Variants in KDM2A observed in about 807,000 individuals in gnomAD.
The protein encoded by KDM2A is lysine demethylase 2A.
KDM2A carries 3 observed loss-of-function variants against 137.3 expected under a neutral mutation model. That is an observed-to-expected ratio of 0.02 (90% CI 0.01 to 0.06). The LOEUF (loss-of-function observed/expected upper bound fraction) is 0.06. Among genes scored for constraint, KDM2A ranks in the 10% least tolerant of loss-of-function variants. The probability of loss-of-function intolerance (pLI) is 1.00; values close to 1 mark genes in which losing one functional copy is unlikely to be tolerated. For missense variants in KDM2A, 738 were observed against 1,510.6 expected, an observed-to-expected ratio of 0.49 and a Z score of 8.48; for synonymous variants, 512 against 541.5, an observed-to-expected ratio of 0.95 and a Z score of 0.76.
chr11:67,225,469 C>G (rs1383625290), intron 10 of KDM2A, among the ~76,000 whole-genome samples: 1 of 151,620 alleles, frequency 6.6e-6, no homozygotes, highest in Admixed American at 6.6e-5. Context: ...AACCCCGTCT[C>G]TACTAAAAAT....
intron 5 of KDM2A, among the ~76,000 whole-genome samples, chr11:67,203,475 T>A (rs753048668): frequency 3.1e-4 from 45 of 147,416 alleles, no homozygotes; most frequent in East Asian, 1.6e-3. Flanking sequence ...TATTAATAAT[T>A]ATTAATATAT....
chr11:67,142,035 AT>A (rs1211346914), intron 2 of KDM2A, among the ~76,000 whole-genome samples: 1 of 151,736 alleles, frequency 6.6e-6, no homozygotes, highest in Non-Finnish European at 1.5e-5. Context: ...TATTTCTTTC[AT>A]TCATTCATTC....
intron 6 of KDM2A, among the ~76,000 whole-genome samples, chr11:67,213,958 G>C (rs935423107): frequency 2.0e-5 from 3 of 152,036 alleles, no homozygotes; most frequent in African/African-American, 7.2e-5. Flanking sequence ...AACCTCCTGG[G>C]TTTAAGCAAA....
intron 2 of KDM2A, among the ~76,000 whole-genome samples, chr11:67,135,187 G>T (rs1312278286): frequency 6.6e-6 from 1 of 151,842 alleles, no homozygotes; most frequent in African/African-American, 2.4e-5. Context: ...TCCTGCCTCA[G>T]CCTCCCGAGT....
At chr11:67,249,996 C>T in intron 16 of KDM2A, 90 bp from the exon 17 acceptor site, 2 of 1,052,414 alleles carry the variant, frequency 1.9e-6, no homozygotes, top group South Asian at 3.2e-5. Flanking sequence ...TCTCTCTGGT[C>T]CCCTGAGAGC....
rs1204885078 is a variant in KDM2A, at chr11:67,253,287, T to A, written c.2933-166T>A. On this transcript the variant is annotated intron_variant, in intron 18 of 20. Transcript: ENST00000529006. Reference sequence around the variant, plus strand: ...TCAATTTACCACTAAAGCTAGAAGATGTAGTATAGGATACCATGGAAATCT... The same window carrying A: ...TCAATTTACCACTAAAGCTAGAAGAAGTAGTATAGGATACCATGGAAATCT... 2.0e-5 allele frequency among the ~76,000 whole-genome samples: 3 copies of A among 152,218 alleles called. No homozygotes were observed. The East Asian group carries it at 5.8e-4, about 29-fold the overall frequency.
chr11:67,183,952 T>C (rs934148257), intron 5 of KDM2A, among the ~76,000 whole-genome samples: 6 of 150,866 alleles, frequency 4.0e-5, no homozygotes, highest in Admixed American at 2.0e-4. Flanking sequence ...CTACAAAAAA[T>C]ACAAAAATTA....
rs368587627 is a variant in KDM2A, at chr11:67,250,733, C to G, written c.2703C>G (p.Val901=). 7 of 1,558,074 alleles carry G rather than the reference C, an allele frequency of 4.5e-6. No homozygotes were observed. In the African/African-American group the frequency reaches 6.8e-5, roughly 15 times the overall value. The part of the protein sequence containing the change: ...SWMQREVWMS[V]FRYLSRRELC... ...TGCAGCGGGAGGTCTGGATGTCTGTCTTCCGCTACCTCAGCCGCAGAGAAC... is the reference window on the plus strand; with the variant it reads ...TGCAGCGGGAGGTCTGGATGTCTGTGTTCCGCTACCTCAGCCGCAGAGAAC... Residue 901 remains valine (V), a synonymous_variant, in exon 17 of 21, where the codon GTC becomes GTG. Coordinates refer to ENST00000529006, the MANE Select transcript of KDM2A (RefSeq NM_012308.3). This position sits in a 1 kb window ranked among gnomAD's most constrained non-coding sequence, Gnocchi z 7.1.
intron 5 of KDM2A, among the ~76,000 whole-genome samples, chr11:67,205,492 A>AT (rs1027746105): frequency 4.0e-5 from 6 of 150,534 alleles, no homozygotes; most frequent in Admixed American, 6.6e-5. Context: ...ATAGATATAA[A>AT]TTTTTTTTTT....
intron 2 of KDM2A, among the ~76,000 whole-genome samples, chr11:67,146,718 C>G (rs909654489): frequency 3.2e-4 from 48 of 152,010 alleles, no homozygotes; most frequent in African/African-American, 1.1e-3. Context: ...ATGTGTTGCC[C>G]AGATTGGTCT....
At chr11:67,204,999 A>G (rs146191367) in intron 5 of KDM2A, among the ~76,000 whole-genome samples, 113 of 152,304 alleles carry the variant, frequency 7.4e-4, no homozygotes, top group African/African-American at 2.4e-3. Flanking sequence ...ACCTTGTTCA[A>G]TTCTTTTAGA....
chr11:67,170,474 G>A (rs1369626687), intron 2 of KDM2A, among the ~76,000 whole-genome samples: 2 of 144,512 alleles, frequency 1.4e-5, no homozygotes, highest in Non-Finnish European at 1.5e-5. Flanking sequence ...GTGCAGTGGC[G>A]CGATCTCAGC....
intron 12 of KDM2A, among the ~76,000 whole-genome samples, chr11:67,235,955 T>C (rs1264252688): frequency 1.3e-5 from 2 of 152,184 alleles, no homozygotes; most frequent in Admixed American, 6.5e-5. Flanking sequence ...GAAAGTTGTA[T>C]TCTTGATATA....
chr11:67,143,013 A>C (rs1026087971), intron 2 of KDM2A, among the ~76,000 whole-genome samples: 8 of 147,152 alleles, frequency 5.4e-5, no homozygotes, highest in Admixed American at 1.4e-4. Context: ...ATATATATAT[A>C]TCTATTCTTT....
Position 67,255,085 on chromosome 11 carries a change from C to G in KDM2A, c.*30C>G. 6.3e-7 allele frequency: 1 copy of G among 1,584,152 alleles called. No individual in the cohort carries two copies. The highest frequency in any genetic ancestry group is 2.3e-5 in the East Asian group (1 of 43,576). On this transcript the variant is annotated 3_prime_UTR_variant, in exon 21 of 21. Transcript: ENST00000529006. ...CACCCAGCCCAGATTCAACAGGAAA[C>G]CGATCTTCCCCTGACTCCCCACCGA...
chr11:67,183,228 A>G (rs938263584), intron 5 of KDM2A, among the ~76,000 whole-genome samples: 1 of 152,076 alleles, frequency 6.6e-6, no homozygotes, highest in Non-Finnish European at 1.5e-5. Flanking sequence ...ATGCTCCCCT[A>G]CTCGTCACAA....
Position 67,254,804 on chromosome 11 carries a change from T to C in KDM2A, c.3308-70T>C. ...TTTAGCATTTTGAAGGAAAGACGGC[T>C]ACAGGAATTGAATGGCAGAGGAAAG... On this transcript the variant is annotated intron_variant, in intron 20 of 20. Transcript: ENST00000529006. This position sits in a 1 kb window ranked among gnomAD's most constrained non-coding sequence, Gnocchi z 4.7. 1 of 1,398,894 alleles carries C rather than the reference T, an allele frequency of 7.1e-7. No homozygotes were observed. Among genetic ancestry groups the C allele is most frequent in the South Asian group, 1.2e-5 (1 of 81,696 alleles). 86.7% of individuals were successfully genotyped at this position (1,398,894 alleles called of 1,614,324 possible).
chr11:67,160,663 C>G (rs1856614214), intron 2 of KDM2A, among the ~76,000 whole-genome samples: 1 of 152,060 alleles, frequency 6.6e-6, no homozygotes, highest in South Asian at 2.1e-4. Context: ...CTCAACTACT[C>G]AGGAGGCTGA....
chr11:67,185,871 T>C (rs892464504), intron 5 of KDM2A, among the ~76,000 whole-genome samples: 2 of 151,836 alleles, frequency 1.3e-5, no homozygotes, highest in African/African-American at 4.8e-5. Context: ...CCTCACCAGA[T>C]GCTGGCGCCT....
Sources: allele counts gnomAD v4.1 joint callset (sites outside exome capture counted in the v4.1 genomes callset), GRCh38; gene constraint gnomAD v4.1.1; non-coding constraint Gnocchi (gnomAD v3.1); transcripts MANE v1.5; gene names NCBI Gene and HGNC (gene_info 2026-07-23, HGNC 2026-07-21).